Variants in FCGR1A observed in about 807,000 individuals in gnomAD.
FCGR1A encodes the protein high affinity immunoglobulin gamma Fc receptor I.
FCGR1A carries 13 observed loss-of-function variants against 35.0 expected under a neutral mutation model. The observed-to-expected ratio is 0.37, with a 90% CI of 0.24 to 0.59. FCGR1A has a LOEUF of 0.59. FCGR1A is among the 20% of genes least tolerant of loss of function. FCGR1A has a pLI of 0.71. For synonymous variants in FCGR1A, 91 were observed against 164.7 expected, an observed-to-expected ratio of 0.55 and a Z score of 3.43; for missense variants, 227 against 430.0, an observed-to-expected ratio of 0.53 and a Z score of 4.17.
chr1:149,792,263 G>C (rs1338760587), downstream of FCGR1A: 3 of 187,880 alleles, frequency 1.6e-5, no homozygotes, highest in Non-Finnish European at 3.3e-5. Context: ...CTCCAAGTGC[G>C]GCACTGCAAA....
In FCGR1A at chr1:149,791,531, G is replaced by T. The variant is rs1553751928; in HGVS notation, c.*14G>T. 1.2e-6 allele frequency: 2 copies of T among 1,610,428 alleles called. No individual in the cohort carries two copies. ...GGGGCCACGTAGCAGCGGCTCAGTG[G>T]GTGGCCATCGATCTGGACCGTCCCC... On this transcript the variant is annotated 3_prime_UTR_variant, in exon 6 of 6. Transcript: ENST00000369168.
intron 5 of FCGR1A, 75 bp from the exon 6 acceptor site, chr1:149,791,162 C>T: frequency 6.2e-7 from 1 of 1,604,572 alleles, no homozygotes; most frequent in South Asian, 1.1e-5. Context: ...GCCAACCTTC[C>T]CTTCCAAACA....
the FCGR1A span, among the ~76,000 whole-genome samples, chr1:149,800,536 T>G: frequency 1.4e-5 from 2 of 142,008 alleles, no homozygotes; most frequent in Admixed American, 1.4e-4. Flanking sequence ...ACATCACACT[T>G]TGGTGTTTCT....
intron 3 of FCGR1A, chr1:149,786,610 G>A (rs2091557109): frequency 6.6e-6 from 1 of 152,022 alleles, no homozygotes; most frequent in Non-Finnish European, 1.5e-5. Flanking sequence ...GTGGACCCGA[G>A]CCCTAATCAT....
At chr1:149,797,745 GCAC>G in the FCGR1A span, among the ~76,000 whole-genome samples, 2 of 152,158 alleles carry the variant, frequency 1.3e-5, no homozygotes, top group Non-Finnish European at 2.9e-5. Context: ...CTATAGGCGT[GCAC>G]CACGACATCC....
chr1:149,786,012 C>T (rs1439931823), intron 3 of FCGR1A: 5 of 151,814 alleles, frequency 3.3e-5, no homozygotes, highest in Admixed American at 1.3e-4. Context: ...TCATATTTTC[C>T]CATTCTGCTG....
intron 3 of FCGR1A, chr1:149,788,138 T>C: frequency 3.1e-6 from 2 of 645,216 alleles, no homozygotes; most frequent in South Asian, 2.0e-5. Flanking sequence ...ACTTCTGAGA[T>C]CTGGAAAGGG....
At chr1:149,795,962 A>T (rs1156330762), downstream of FCGR1A, among the ~76,000 whole-genome samples, 3 of 151,286 alleles carry the variant, frequency 2.0e-5, no homozygotes, top group Non-Finnish European at 4.4e-5. Context: ...GGCAACGGAA[A>T]GCAGGATGTC....
At chr1:149,792,680 G>A, downstream of FCGR1A, 4 of 1,280,116 alleles carry the variant, frequency 3.1e-6, no homozygotes, top group South Asian at 1.2e-5. Flanking sequence ...GCCAGCGCCC[G>A]GGGACCCAGC....
the FCGR1A span, among the ~76,000 whole-genome samples, chr1:149,800,522 AACG>A: frequency 1.7e-3 from 243 of 143,208 alleles, 2 homozygotes; most frequent in African/African-American, 6.1e-3. Context: ...TAATAAACAA[AACG>A]ACATCACACT....
downstream of FCGR1A, among the ~76,000 whole-genome samples, chr1:149,793,760 C>T (rs1487849867): frequency 6.6e-6 from 1 of 151,688 alleles, no homozygotes; most frequent in Non-Finnish European, 1.5e-5. Flanking sequence ...ATGGAGACCT[C>T]TAAATTCATC....
intron 3 of FCGR1A, chr1:149,786,782 A>T (rs1553750885): frequency 6.6e-6 from 1 of 152,180 alleles, no homozygotes; most frequent in Admixed American, 6.5e-5. Flanking sequence ...TTTATTCATG[A>T]ATTACTTAGA....
chr1:149,799,873 C>T, the FCGR1A span, among the ~76,000 whole-genome samples: 3 of 152,164 alleles, frequency 2.0e-5, no homozygotes, highest in African/African-American at 7.2e-5. Flanking sequence ...AGAAGACTGA[C>T]GGCGGAGGGG....
intron 4 of FCGR1A, among the ~76,000 whole-genome samples, chr1:149,789,393 A>AAATAATAATAATAATAATAATAATAAT (rs781855250): frequency 2.0e-5 from 3 of 148,782 alleles, no homozygotes; most frequent in Non-Finnish European, 3.0e-5. Flanking sequence ...ACTACGTCTC[A>AAATAATAATAATAATAATAATAATAAT]AATAATAATA....
the FCGR1A span, among the ~76,000 whole-genome samples, chr1:149,799,756 T>C: frequency 6.6e-6 from 1 of 152,248 alleles, no homozygotes; most frequent in Non-Finnish European, 1.5e-5. Context: ...TGCATGCATC[T>C]TTTTATATGG....
intron 3 of FCGR1A, among the ~76,000 whole-genome samples, chr1:149,785,417 T>G (rs1331175166): frequency 7.5e-6 from 1 of 133,458 alleles, no homozygotes; most frequent in Admixed American, 7.4e-5. Context: ...CGTTTTTTTT[T>G]TTTTTTTTTT....
chr1:149,796,916 TTTTG>T, the FCGR1A span, among the ~76,000 whole-genome samples: 1 of 152,180 alleles, frequency 6.6e-6, no homozygotes, highest in Non-Finnish European at 1.5e-5. Context: ...CTGGGCTTGC[TTTTG>T]TTTGTTTTTT....
Position 149,788,403 on chromosome 1 carries a change from G to A in FCGR1A, c.345G>A (p.Thr115=), listed in dbSNP as rs150243223. Residue 115 remains threonine (T), a synonymous_variant, in exon 4 of 6, where the codon ACG becomes ACA. Transcript: ENST00000369168. ...TGCAGGTCTCCAGCAGAGTCTTCAC[G>A]GAAGGAGAACCTCTGGCCTTGAGGT... is the stretch of plus-strand genomic sequence containing the variant. ...LLLQVSSRVF[T]EGEPLALRCH... 4.5e-5 allele frequency: 73 copies of A among 1,613,402 alleles called. No individual in the cohort carries two copies. The highest frequency in any genetic ancestry group is 1.7e-4 in the Middle Eastern group (1 of 5,760).
At chr1:149,794,057 A>G, downstream of FCGR1A, 1 of 550,398 alleles carries the variant, frequency 1.8e-6, no homozygotes, top group Non-Finnish European at 3.2e-6. Flanking sequence ...CCTCACTGCC[A>G]CCAGGCTTAG....
Sources: gnomAD v4.1 joint callset for allele counts (sites outside exome capture counted in the v4.1 genomes callset) on GRCh38, gnomAD v4.1.1 for gene constraint, MANE v1.5 for transcripts, NCBI Gene and HGNC (gene_info 2026-07-23, HGNC 2026-07-21) for gene names.